VMP1: variants seen among roughly 807,000 people sequenced by gnomAD.
VMP1 encodes the protein vacuole membrane protein 1, also known as ectopic P-granules autophagy protein 3 homolog.
A neutral mutation model predicts 56.0 loss-of-function variants in VMP1; 11 were observed. The ratio of observed to expected loss-of-function variants is 0.20; its 90% confidence interval spans 0.12 to 0.32. The LOEUF is 0.32. Ranked by LOEUF, VMP1 falls within the 10% of genes least tolerant of loss-of-function variation. The probability of loss-of-function intolerance (pLI) is 1.00; values close to 1 mark genes in which losing one functional copy is unlikely to be tolerated. For synonymous variants in VMP1, 149 were observed against 165.0 expected (o/e 0.90, Z 0.74); for missense variants, 296 against 490.3 (o/e 0.60, Z 3.74).
chr17:59,725,952 A>G (rs1046430573), intron 1 of VMP1, among the ~76,000 whole-genome samples: 1 of 152,234 alleles, frequency 6.6e-6, no homozygotes, highest in Non-Finnish European at 1.5e-5. Context: ...TCATAGACCC[A>G]AAATGTTTTG....
intron 10 of VMP1, among the ~76,000 whole-genome samples, chr17:59,832,217 C>T (rs2038832170): frequency 8.6e-6 from 1 of 116,308 alleles, no homozygotes; most frequent in Non-Finnish European, 1.6e-5. Flanking sequence ...GTCACCTAGA[C>T]TGGAGTGCAA....
chr17:59,755,745 T>G (rs185752952), intron 5 of VMP1, among the ~76,000 whole-genome samples: 5,655 of 151,024 alleles, frequency 0.037, 179 homozygotes, highest in Non-Finnish European at 0.06. Flanking sequence ...GTTTTTGGTT[T>G]TTTTTTTTTT....
chr17:59,736,144 G>A (rs1399692499), intron 3 of VMP1, among the ~76,000 whole-genome samples: 5 of 152,118 alleles, frequency 3.3e-5, no homozygotes, highest in African/African-American at 1.2e-4. Context: ...CAGGCGTGGT[G>A]GCTCACACCT....
At chr17:59,731,571 T>G in intron 2 of VMP1, 49 bp downstream of exon 2, 2 of 1,305,862 alleles carry the variant, frequency 1.5e-6, no homozygotes, top group Non-Finnish European at 2.1e-6. Context: ...TTAAATGATA[T>G]ACTTTTCATT....
At chr17:59,774,433 G>T (rs2036546658) in intron 7 of VMP1, among the ~76,000 whole-genome samples, 1 of 151,684 alleles carries the variant, frequency 6.6e-6, no homozygotes, top group Non-Finnish European at 1.5e-5. Flanking sequence ...AAGAAAGAAA[G>T]AAAGAAAGAA....
rs2039176416 is a variant in VMP1, at chr17:59,842,167, T to A, written c.*2256T>A. On this transcript the variant is annotated 3_prime_UTR_variant, in exon 12 of 12. Coordinates refer to ENST00000262291, the MANE Select transcript of VMP1 (RefSeq NM_030938.5). The stretch of plus-strand genomic sequence containing the variant: ...TACACAGTACCTACTTAATTCCAGC[T>A]GATGGGAGACCAAAGAATTTGCAAG... 1 of 152,200 alleles carries A rather than the reference T, an allele frequency of 6.6e-6. No homozygotes were observed. Among genetic ancestry groups the A allele is most frequent in the African/African-American group, 2.4e-5 (1 of 41,460 alleles). 9.4% of individuals were successfully genotyped at this position (152,200 alleles called of 1,614,324 possible).
chr17:59,718,864 A>T (rs761164558), intron 1 of VMP1, among the ~76,000 whole-genome samples: 12 of 152,028 alleles, frequency 7.9e-5, no homozygotes, highest in African/African-American at 2.4e-4. Context: ...GTTGAAAAAA[A>T]TTCAAGAATT....
chr17:59,818,951 A>G (rs552648303), intron 10 of VMP1, among the ~76,000 whole-genome samples: 1 of 152,244 alleles, frequency 6.6e-6, no homozygotes, highest in South Asian at 2.1e-4. Flanking sequence ...AATTTTTGCT[A>G]TTTAAAAAAA....
intron 5 of VMP1, among the ~76,000 whole-genome samples, chr17:59,740,927 A>G (rs2143847318): frequency 6.6e-6 from 1 of 152,340 alleles, no homozygotes; most frequent in South Asian, 2.1e-4. Flanking sequence ...GATTGAAATT[A>G]TGGCTCATGC....
chr17:59,824,428 C>A (rs1338685202), intron 10 of VMP1, among the ~76,000 whole-genome samples: 2 of 150,572 alleles, frequency 1.3e-5, no homozygotes, highest in Non-Finnish European at 3.0e-5. Context: ...AAAAAATTAG[C>A]CGGGCGTGGG....
At chr17:59,827,723 C>T (rs1177322736) in intron 10 of VMP1, among the ~76,000 whole-genome samples, 3 of 150,156 alleles carry the variant, frequency 2.0e-5, no homozygotes, top group African/African-American at 4.9e-5. Flanking sequence ...GAGGCTGAGG[C>T]GGGATTGCTT....
intron 9 of VMP1, among the ~76,000 whole-genome samples, chr17:59,813,658 A>G (rs1255900478): frequency 6.6e-6 from 1 of 152,094 alleles, no homozygotes; most frequent in Non-Finnish European, 1.5e-5. Flanking sequence ...AATGTATCTG[A>G]AAATAGGTTT....
At chr17:59,727,187 T>C (rs745935793) in intron 1 of VMP1, among the ~76,000 whole-genome samples, 1 of 151,892 alleles carries the variant, frequency 6.6e-6, no homozygotes, top group South Asian at 2.1e-4. Flanking sequence ...CATGCTGGAG[T>C]GCAGTGGCGC....
At chr17:59,751,174 G>A (rs148733399) in intron 5 of VMP1, among the ~76,000 whole-genome samples, 58 of 151,828 alleles carry the variant, frequency 3.8e-4, no homozygotes, top group African/African-American at 1.4e-3. Context: ...CCTCGTGATC[G>A]GCCAGGTAGC....
At chr17:59,740,565 A>G (rs2035189778) in intron 5 of VMP1, among the ~76,000 whole-genome samples, 1 of 152,194 alleles carries the variant, frequency 6.6e-6, no homozygotes, top group Admixed American at 6.5e-5. Context: ...TTAATCTATA[A>G]TATATCATTT....
chr17:59,815,072 A>T (rs2038179349), intron 9 of VMP1, among the ~76,000 whole-genome samples: 2 of 152,190 alleles, frequency 1.3e-5, no homozygotes, highest in Admixed American at 1.3e-4. Context: ...CCTCAGCTTA[A>T]AATTAGACAA....
At chr17:59,744,012 G>A (rs1336203867) in intron 5 of VMP1, among the ~76,000 whole-genome samples, 4 of 151,984 alleles carry the variant, frequency 2.6e-5, no homozygotes, top group Non-Finnish European at 5.9e-5. Context: ...CCTTAAGTAT[G>A]ATGTTAGCTG....
At position 59,840,486 on chromosome 17, in the gene VMP1, A is replaced by G. The variant is rs576787208; in HGVS notation, c.*575A>G. On this transcript the variant is annotated 3_prime_UTR_variant, in exon 12 of 12. Transcript: ENST00000262291. ...CTTTAAATTTTGAGACAGTATAAGG[A>G]AAATCTGGTTGGTGTCTTACAAGTG... 1 of 152,912 alleles carries G rather than the reference A, an allele frequency of 6.5e-6. No homozygotes were observed. The highest frequency in any genetic ancestry group is 2.4e-5 in the African/African-American group (1 of 41,568). 9.5% of individuals were successfully genotyped at this position (152,912 alleles called of 1,614,324 possible).
intron 11 of VMP1, chr17:59,838,616 G>A: frequency 1.9e-6 from 1 of 538,038 alleles, no homozygotes; most frequent in Non-Finnish European, 3.4e-6. Context: ...CAAGGGTAGA[G>A]CCAATGGAAA....
Sources: gnomAD v4.1 joint callset for allele counts (sites outside exome capture counted in the v4.1 genomes callset) on GRCh38, gnomAD v4.1.1 for gene constraint, MANE v1.5 for transcripts, NCBI Gene and HGNC (gene_info 2026-07-23, HGNC 2026-07-21) for gene names.